SMYD3: variants seen among roughly 807,000 people sequenced by gnomAD.
The protein encoded by SMYD3 is SET and MYND domain containing 3.
Under a neutral mutation model 57.7 loss-of-function variants are expected in SMYD3, and 36 were observed. The ratio of observed to expected loss-of-function variants is 0.62; its 90% confidence interval spans 0.48 to 0.82. SMYD3 has a LOEUF of 0.82. Among genes scored for constraint, SMYD3 ranks in the 40% least tolerant of loss-of-function variants. The probability of loss-of-function intolerance (pLI) is 0.00; values close to 1 mark genes in which losing one functional copy is unlikely to be tolerated. For synonymous variants in SMYD3, 211 were observed against 195.0 expected, an observed-to-expected ratio of 1.08 and a Z score of -0.68; for missense variants, 515 against 538.8, an observed-to-expected ratio of 0.96 and a Z score of 0.44.
intron 2 of SMYD3, among the ~76,000 whole-genome samples, chr1:246,340,917 G>C (rs1201003074): frequency 6.6e-6 from 1 of 152,078 alleles, no homozygotes; most frequent in African/African-American, 2.4e-5. Flanking sequence ...TAAGATGGGA[G>C]GTCGAGACTA....
chr1:246,326,841 A>C (rs536815141), intron 5 of SMYD3: 71 of 293,772 alleles, frequency 2.4e-4, no homozygotes, highest in Non-Finnish European at 3.7e-4. Context: ...TTAAACAACC[A>C]CCATAAAACT....
intron 10 of SMYD3, among the ~76,000 whole-genome samples, chr1:245,854,238 T>C (rs1439773306): frequency 3.3e-5 from 5 of 152,096 alleles, no homozygotes; most frequent in Admixed American, 3.3e-4. Context: ...AGAGTGACAT[T>C]TTAGTGTGTG....
At chr1:246,168,733 C>T (rs1384378090) in intron 5 of SMYD3, among the ~76,000 whole-genome samples, 1 of 152,058 alleles carries the variant, frequency 6.6e-6, no homozygotes. Context: ...TCGTTGCACC[C>T]GGAGGAATCA....
intron 5 of SMYD3, among the ~76,000 whole-genome samples, chr1:246,260,160 G>A (rs952477278): frequency 6.6e-6 from 1 of 152,184 alleles, no homozygotes; most frequent in Non-Finnish European, 1.5e-5. Context: ...GTAAGCTTGT[G>A]CTCCAAATGC....
intron 1 of SMYD3, among the ~76,000 whole-genome samples, chr1:246,423,880 T>C (rs977124044): frequency 2.0e-5 from 3 of 151,942 alleles, no homozygotes; most frequent in Non-Finnish European, 4.4e-5. Flanking sequence ...CCAGAAACAG[T>C]GCAAACCAGG....
At chr1:246,403,415 T>G (rs932575204) in intron 1 of SMYD3, among the ~76,000 whole-genome samples, 1 of 152,322 alleles carries the variant, frequency 6.6e-6, no homozygotes, top group Non-Finnish European at 1.5e-5. Context: ...AGAGGATTGC[T>G]TGAGCCCAGG....
At chr1:246,035,058 C>G (rs1462554905) in intron 5 of SMYD3, among the ~76,000 whole-genome samples, 1 of 152,174 alleles carries the variant, frequency 6.6e-6, no homozygotes, top group East Asian at 1.9e-4. Flanking sequence ...TCTCCCCAGC[C>G]TCCCACCTGA....
At chr1:245,977,410 G>A (rs1032947647) in intron 5 of SMYD3, among the ~76,000 whole-genome samples, 9 of 152,154 alleles carry the variant, frequency 5.9e-5, no homozygotes, top group Admixed American at 2.6e-4. Flanking sequence ...CACGCACGGT[G>A]GCTCACACCT....
chr1:246,498,157 A>G (rs780109300), intron 1 of SMYD3, among the ~76,000 whole-genome samples: 1 of 152,238 alleles, frequency 6.6e-6, no homozygotes, highest in Non-Finnish European at 1.5e-5. Context: ...TTACACCTTG[A>G]CCCAGAAATC....
intron 5 of SMYD3, among the ~76,000 whole-genome samples, chr1:246,194,374 T>C (rs1347337494): frequency 2.0e-5 from 3 of 151,738 alleles, no homozygotes; most frequent in East Asian, 3.9e-4. Context: ...GTTCAAGCGG[T>C]TCTCCTGCCT....
intron 1 of SMYD3, among the ~76,000 whole-genome samples, chr1:246,490,345 T>C (rs2068250630): frequency 6.6e-6 from 1 of 152,142 alleles, no homozygotes; most frequent in African/African-American, 2.4e-5. Flanking sequence ...ACTCAGAAAA[T>C]GTCTCAGATG....
At chr1:245,953,243 T>C in intron 5 of SMYD3, 2 of 1,000,064 alleles carry the variant, frequency 2.0e-6, no homozygotes, top group South Asian at 4.7e-5. Flanking sequence ...TTTCTTCTTC[T>C]TCTTCCATAG....
intron 5 of SMYD3, among the ~76,000 whole-genome samples, chr1:246,173,937 C>T (rs2062389125): frequency 6.6e-6 from 1 of 151,952 alleles, no homozygotes; most frequent in African/African-American, 2.4e-5. Flanking sequence ...CTCCTGAGTA[C>T]CCAGGACTAC....
chr1:245,931,942 C>T (rs2056749022), intron 5 of SMYD3, among the ~76,000 whole-genome samples: 1 of 152,062 alleles, frequency 6.6e-6, no homozygotes, highest in Non-Finnish European at 1.5e-5. Flanking sequence ...TGCTAAATTG[C>T]TTTAAGGACA....
intron 8 of SMYD3, among the ~76,000 whole-genome samples, chr1:245,882,763 A>G (rs2052857629): frequency 1.3e-5 from 2 of 152,226 alleles, no homozygotes; most frequent in South Asian, 4.1e-4. Context: ...TTCTGTTGAC[A>G]CAAAACGTTT....
rs922942221 is a variant in SMYD3, at chr1:245,862,848, T to A, written c.901+951A>T. ...GAGAAACCAGGCAGCACTGTGATGA[T>A]CACAGCTTTCTTTTCCATTCCTTAG... On this transcript the variant is annotated intron_variant, in intron 9 of 11. Transcript: ENST00000490107. 7.2e-5 allele frequency among the ~76,000 whole-genome samples: 11 copies of A among 152,220 alleles called. No individual in the cohort carries two copies. The East Asian group carries it at 1.5e-3, about 21-fold the overall frequency.
intron 5 of SMYD3, among the ~76,000 whole-genome samples, chr1:246,278,215 G>A (rs1454942480): frequency 6.7e-6 from 1 of 150,208 alleles, no homozygotes; most frequent in East Asian, 1.9e-4. Flanking sequence ...GTATGTCGAT[G>A]TCCCTTTCCG....
At chr1:246,181,643 T>G (rs748595313) in intron 5 of SMYD3, among the ~76,000 whole-genome samples, 3 of 152,208 alleles carry the variant, frequency 2.0e-5, no homozygotes, top group African/African-American at 2.4e-5. Flanking sequence ...GTTTTATTTA[T>G]AAGAAATAAA....
chr1:246,462,790 TAAG>T (rs1457871013), intron 1 of SMYD3, among the ~76,000 whole-genome samples: 5 of 152,018 alleles, frequency 3.3e-5, no homozygotes, highest in Admixed American at 2.0e-4. Context: ...AAATGAGAAT[TAAG>T]AAACATTTTA....
Sources: gnomAD v4.1 joint callset for allele counts (sites outside exome capture counted in the v4.1 genomes callset) on GRCh38, gnomAD v4.1.1 for gene constraint, MANE v1.5 for transcripts, NCBI Gene and HGNC (gene_info 2026-07-23, HGNC 2026-07-21) for gene names.